Variants in NKAIN2 observed in about 807,000 individuals in gnomAD.
NKAIN2 encodes sodium/potassium transporting ATPase interacting 2, also known as sodium/potassium-transporting ATPase subunit beta-1-interacting protein 2.
NKAIN2 carries 14 observed loss-of-function variants against 32.6 expected under a neutral mutation model. The ratio of observed to expected loss-of-function variants is 0.43; its 90% CI spans 0.28 to 0.67. The LOEUF is 0.67. NKAIN2 is among the 30% of genes least tolerant of loss of function. NKAIN2 has a pLI of 0.17. For synonymous variants in NKAIN2, 80 were observed against 87.2 expected (o/e 0.92, Z 0.46); for missense variants, 198 against 258.3 (o/e 0.77, Z 1.60).
chr6:124,005,121 A>T (rs1054447483), intron 1 of NKAIN2, among the ~76,000 whole-genome samples: 7 of 152,058 alleles, frequency 4.6e-5, no homozygotes, highest in Non-Finnish European at 4.4e-5. Flanking sequence ...GCTACTTGGG[A>T]GGCTGAGGTG....
intron 1 of NKAIN2, among the ~76,000 whole-genome samples, chr6:123,846,839 C>CGT: frequency 1.5e-5 from 1 of 66,078 alleles, no homozygotes; most frequent in East Asian, 1.2e-3. Context: ...CACACACGCA[C>CGT]GCGCGCACAC....
chr6:124,171,698 A>G (rs1788873314), intron 1 of NKAIN2, among the ~76,000 whole-genome samples: 1 of 151,792 alleles, frequency 6.6e-6, no homozygotes, highest in African/African-American at 2.4e-5. Flanking sequence ...CTACAGGCAC[A>G]TGCTGCCACG....
At chr6:124,662,105 A>G (rs527612216) in intron 4 of NKAIN2, among the ~76,000 whole-genome samples, 1 of 152,322 alleles carries the variant, frequency 6.6e-6, no homozygotes, top group Non-Finnish European at 1.5e-5. Flanking sequence ...CTGATGGATA[A>G]TGGATTCCCG....
At chr6:124,224,277 A>C (rs1791993891) in intron 1 of NKAIN2, among the ~76,000 whole-genome samples, 1 of 152,160 alleles carries the variant, frequency 6.6e-6, no homozygotes, top group African/African-American at 2.4e-5. Flanking sequence ...ATTCCTTTGA[A>C]GTGTGACTAT....
At chr6:124,065,502 A>G (rs1783124172) in intron 1 of NKAIN2, among the ~76,000 whole-genome samples, 1 of 152,108 alleles carries the variant, frequency 6.6e-6, no homozygotes, top group Non-Finnish European at 1.5e-5. Flanking sequence ...GTACCCTTAT[A>G]AAAGAGATGT....
chr6:124,643,626 A>G (rs1034758441), intron 3 of NKAIN2, among the ~76,000 whole-genome samples: 2 of 152,146 alleles, frequency 1.3e-5, no homozygotes, highest in Admixed American at 1.3e-4. Context: ...ATGGCCTGGT[A>G]AGGTGATTTA....
At chr6:124,767,417 TG>T (rs1296584452) in intron 4 of NKAIN2, among the ~76,000 whole-genome samples, 12 of 152,178 alleles carry the variant, frequency 7.9e-5, no homozygotes, top group African/African-American at 2.7e-4. Flanking sequence ...TATTGTGGTT[TG>T]CCTCCTAATC....
chr6:124,243,015 T>C (rs1338150596), intron 1 of NKAIN2, among the ~76,000 whole-genome samples: 2 of 150,676 alleles, frequency 1.3e-5, no homozygotes, highest in Non-Finnish European at 2.9e-5. Context: ...TCTGCACATG[T>C]ATCCCAGAAC....
intron 3 of NKAIN2, among the ~76,000 whole-genome samples, chr6:124,600,732 A>T (rs1782273185): frequency 6.6e-6 from 1 of 152,108 alleles, no homozygotes; most frequent in African/African-American, 2.4e-5. Flanking sequence ...CCTCCTATAG[A>T]TAAAAGTCAG....
intron 3 of NKAIN2, among the ~76,000 whole-genome samples, chr6:124,512,309 A>G (rs1188128993): frequency 6.6e-6 from 1 of 152,098 alleles, no homozygotes; most frequent in Non-Finnish European, 1.5e-5. Flanking sequence ...ACTTCTTCCC[A>G]CCAATTTCCC....
At chr6:123,981,064 T>G (rs1778873516) in intron 1 of NKAIN2, among the ~76,000 whole-genome samples, 1 of 152,136 alleles carries the variant, frequency 6.6e-6, no homozygotes, top group South Asian at 2.1e-4. Flanking sequence ...AGACGGGGTT[T>G]CACCATGTTG....
intron 1 of NKAIN2, among the ~76,000 whole-genome samples, chr6:123,824,165 G>A (rs1232358524): frequency 6.6e-6 from 1 of 152,066 alleles, no homozygotes; most frequent in African/African-American, 2.4e-5. Context: ...ACAACACATA[G>A]TCAGGATCCT....
intron 1 of NKAIN2, among the ~76,000 whole-genome samples, chr6:124,084,329 C>T (rs1450175039): frequency 6.6e-6 from 1 of 151,874 alleles, no homozygotes; most frequent in Non-Finnish European, 1.5e-5. Flanking sequence ...TTTTATTGTA[C>T]TTTTTCTGTG....
At chr6:124,045,793 G>T (rs973344445) in intron 1 of NKAIN2, among the ~76,000 whole-genome samples, 1 of 151,926 alleles carries the variant, frequency 6.6e-6, no homozygotes, top group Non-Finnish European at 1.5e-5. Context: ...ACAGTAATCC[G>T]TATCAATCTC....
chr6:124,719,074 G>A (rs1412695561), intron 4 of NKAIN2, among the ~76,000 whole-genome samples: 1 of 151,976 alleles, frequency 6.6e-6, no homozygotes, highest in Non-Finnish European at 1.5e-5. Flanking sequence ...CTAATTTATT[G>A]ATATAAAAGA....
intron 3 of NKAIN2, among the ~76,000 whole-genome samples, chr6:124,373,771 G>A (rs1331261438): frequency 6.6e-6 from 1 of 152,074 alleles, no homozygotes; most frequent in Admixed American, 6.6e-5. Context: ...ATTAAGTATG[G>A]CAAAGAGAAA....
At chr6:124,446,621 G>T (rs763905294) in intron 3 of NKAIN2, among the ~76,000 whole-genome samples, 2 of 152,010 alleles carry the variant, frequency 1.3e-5, no homozygotes, top group Admixed American at 1.3e-4. Flanking sequence ...GGAATTACAG[G>T]CATCAGCCGT....
At chr6:123,951,715 C>T (rs899534911) in intron 1 of NKAIN2, among the ~76,000 whole-genome samples, 19 of 151,574 alleles carry the variant, frequency 1.3e-4, no homozygotes, top group African/African-American at 4.6e-4. Context: ...CTTTTTTAGT[C>T]TATTCAGCCA....
intron 3 of NKAIN2, among the ~76,000 whole-genome samples, chr6:124,493,500 C>T (rs1344555932): frequency 6.6e-6 from 1 of 151,886 alleles, no homozygotes; most frequent in Non-Finnish European, 1.5e-5. Context: ...AACAAATGAA[C>T]AGGAAGTGTG....
Sources: allele counts gnomAD v4.1 joint callset (sites outside exome capture counted in the v4.1 genomes callset), GRCh38; gene constraint gnomAD v4.1.1; transcripts MANE v1.5; gene names NCBI Gene and HGNC (gene_info 2026-07-23, HGNC 2026-07-21).